Variants in NUMA1 observed in about 807,000 individuals in gnomAD.
The protein encoded by NUMA1 is nuclear mitotic apparatus protein 1.
Under a neutral mutation model 237.1 loss-of-function variants are expected in NUMA1, and 62 were observed. The ratio of observed to expected loss-of-function variants is 0.26; its 90% CI spans 0.21 to 0.32. NUMA1 has a LOEUF of 0.32. Among genes scored for constraint, NUMA1 ranks in the 10% least tolerant of loss-of-function variants. NUMA1 has a pLI of 1.00. For synonymous variants in NUMA1, 1,028 were observed against 1,066.1 expected (o/e 0.96, Z 0.70); for missense variants, 2,533 against 2,666.5 (o/e 0.95, Z 1.10).
chr11:72,059,879 C>A (rs1942850078), intron 2 of NUMA1, among the ~76,000 whole-genome samples: 1 of 149,896 alleles, frequency 6.7e-6, no homozygotes, highest in South Asian at 2.1e-4. Flanking sequence ...TAAAAATTCC[C>A]ATCTACACCC....
chr11:72,044,076 T>C (rs1019258622), intron 2 of NUMA1, among the ~76,000 whole-genome samples: 2 of 152,178 alleles, frequency 1.3e-5, no homozygotes, highest in Non-Finnish European at 1.5e-5. Context: ...ACTCCCTTAA[T>C]GAAGTAGGTA....
intron 1 of NUMA1, among the ~76,000 whole-genome samples, chr11:72,079,157 C>T (rs1000776589): frequency 6.6e-6 from 1 of 152,192 alleles, no homozygotes; most frequent in African/African-American, 2.4e-5. Flanking sequence ...ATTCCCATTA[C>T]ATGTCGCAAA....
chr11:72,018,725 C>G, intron 10 of NUMA1, 98 bp downstream of exon 10: 2 of 1,438,550 alleles, frequency 1.4e-6, no homozygotes, highest in Non-Finnish European at 1.9e-6. Context: ...GGGCTGAGCT[C>G]TCAGCTCCAG....
intron 2 of NUMA1, among the ~76,000 whole-genome samples, chr11:72,060,129 T>C (rs1024199385): frequency 6.6e-6 from 1 of 152,134 alleles, no homozygotes; most frequent in Non-Finnish European, 1.5e-5. Flanking sequence ...CTAGGCCTCT[T>C]TCTGTCAAGT....
chr11:72,004,051 T>G lies in NUMA1; in HGVS notation c.6172A>C (p.Lys2058Gln), dbSNP rs996647613. 1.1e-5 allele frequency: 17 copies of G among 1,613,408 alleles called. No individual in the cohort carries two copies. Among genetic ancestry groups the G allele is most frequent in the Non-Finnish European group, 1.4e-5 (17 of 1,179,780 alleles). ...MAFSILNTPKKLGNSLLRRGA... is the reference protein window; with the variant it reads ...MAFSILNTPKQLGNSLLRRGA... Reference sequence around the variant, plus strand: ...CGCCGCAGAAGGCTGTTCCCTAGCTTCTTGGGTGTGTTGAGGATGCTGAAG... The same window carrying G: ...CGCCGCAGAAGGCTGTTCCCTAGCTGCTTGGGTGTGTTGAGGATGCTGAAG... The change falls in exon 26 of 27, where the codon AAG becomes CAG. Residue 2058 changes from lysine to glutamine, a missense_variant. Physicochemically the swap from Lys to Gln is moderately conservative, Grantham distance 53 (BLOSUM62 1). Transcript: ENST00000393695.
In NUMA1 at chr11:72,054,530, C is replaced by T. The variant is rs533035973; in HGVS notation, c.-33+15312G>A. 2.1e-4 allele frequency among the ~76,000 whole-genome samples: 32 copies of T among 151,992 alleles called. 1 individual carries two copies. Among genetic ancestry groups the T allele is most frequent in the Admixed American group, 1.8e-3 (27 of 15,240 alleles). ...TCCATTCATTTGAACATAGTATCAC[C>T]CCTATCAAGCAAATACTATTAATAC... On this transcript the variant is annotated intron_variant, in intron 2 of 26. Transcript: ENST00000393695.
chr11:72,063,906 G>C (rs1207448208), intron 2 of NUMA1, among the ~76,000 whole-genome samples: 1 of 134,176 alleles, frequency 7.5e-6, no homozygotes, highest in East Asian at 2.2e-4. Flanking sequence ...CTGGGCAACA[G>C]AGTGAGATCT....
intron 7 of NUMA1, 110 bp from the exon 8 acceptor site, chr11:72,021,401 G>C (rs865996462): frequency 1.1e-6 from 1 of 896,332 alleles, no homozygotes; most frequent in Non-Finnish European, 1.8e-6. Flanking sequence ...CATGCCCTAG[G>C]AGCCTGCTGG....
At chr11:72,068,595 T>G (rs950564403) in intron 2 of NUMA1, 1 of 152,080 alleles carries the variant, frequency 6.6e-6, no homozygotes. Context: ...CACTCCAGTC[T>G]GGGTGACAGA....
intron 2 of NUMA1, chr11:72,042,115 T>G (rs998857287): frequency 8.5e-5 from 13 of 152,244 alleles, no homozygotes; most frequent in African/African-American, 3.1e-4. Flanking sequence ...TTGTAGACTC[T>G]GCTTCTCCTA....
intron 2 of NUMA1, among the ~76,000 whole-genome samples, chr11:72,057,742 T>TCAAAAAAAAA (rs1301958692): frequency 9.4e-5 from 13 of 138,636 alleles, no homozygotes; most frequent in African/African-American, 3.2e-4. Flanking sequence ...AGACACCGTC[T>TCAAAAAAAAA]CAAAAAAAAA....
intron 1 of NUMA1, among the ~76,000 whole-genome samples, chr11:72,080,106 C>G (rs1350507949): frequency 1.3e-5 from 2 of 152,142 alleles, no homozygotes; most frequent in Non-Finnish European, 2.9e-5. Context: ...TACTGCACTA[C>G]CATAACTACT....
At chr11:72,035,861 C>G in intron 3 of NUMA1, 41 bp downstream of exon 3, 1 of 1,600,014 alleles carries the variant, frequency 6.2e-7, no homozygotes, top group Non-Finnish European at 8.6e-7. Flanking sequence ...CTCAAGCTTC[C>G]TGGAGAAGTA....
intron 1 of NUMA1, among the ~76,000 whole-genome samples, chr11:72,073,117 G>C (rs1002557295): frequency 7.0e-6 from 1 of 143,596 alleles, no homozygotes; most frequent in African/African-American, 2.6e-5. Context: ...CTAGCACTTT[G>C]CGAGGCCGAG....
At chr11:72,067,213 A>G (rs946417042) in intron 2 of NUMA1, 1 of 152,210 alleles carries the variant, frequency 6.6e-6, no homozygotes, top group Admixed American at 6.5e-5. Context: ...TGTAGGATCT[A>G]AGTATTGAAA....
In NUMA1 at chr11:72,029,281, G is replaced by A; in HGVS notation, c.52C>T (p.Leu18=). 1 of 1,606,858 alleles carries A rather than the reference G, an allele frequency of 6.2e-7. No individual in the cohort carries two copies. The highest frequency in any genetic ancestry group is 2.2e-5 in the East Asian group (1 of 44,876). The change falls in exon 4 of 27, where the codon CTA becomes TTA. Residue 18 remains leucine, a synonymous_variant. Transcript: ENST00000393695. Reference sequence around the variant, plus strand: ...GCCTCCACAGGGTCAGCCACGTGTAGACTGTTCACCTGTAAATCAAAGGGA... The same window carrying A: ...GCCTCCACAGGGTCAGCCACGTGTAAACTGTTCACCTGTAAATCAAAGGGA... The part of the protein sequence containing the change: ...GAALLSWVNS[L]HVADPVEAVL...
At chr11:72,056,588 G>C (rs1234761251) in intron 2 of NUMA1, among the ~76,000 whole-genome samples, 1 of 136,668 alleles carries the variant, frequency 7.3e-6, no homozygotes. Flanking sequence ...CCAAAGTGCT[G>C]GGATTACTGG....
At chr11:72,056,703 G>A (rs1299608873) in intron 2 of NUMA1, among the ~76,000 whole-genome samples, 1 of 143,464 alleles carries the variant, frequency 7.0e-6, no homozygotes, top group East Asian at 2.0e-4. Context: ...CACTAAGTTG[G>A]ATGCGTCACA....
At chr11:72,017,434 A>G in intron 13 of NUMA1, 4 of 529,808 alleles carry the variant, frequency 7.5e-6, no homozygotes, top group Non-Finnish European at 1.4e-5. Flanking sequence ...TCCAAGATCC[A>G]CATCTTGTGA....
Sources: allele counts gnomAD v4.1 joint callset (sites outside exome capture counted in the v4.1 genomes callset), GRCh38; gene constraint gnomAD v4.1.1; transcripts MANE v1.5; gene names NCBI Gene and HGNC (gene_info 2026-07-23, HGNC 2026-07-21).